The following FREM1 variants were observed in gnomAD, a reference collection of about 807,000 sequenced individuals.
FREM1 encodes FRAS1 related extracellular matrix 1.
In FREM1, 220 loss-of-function variants were observed where a neutral mutation model predicts 210.1. That is an observed-to-expected ratio of 1.05 (90% CI 0.94 to 1.17). The LOEUF (loss-of-function observed/expected upper bound fraction) is 1.17. Ranked by LOEUF, FREM1 falls within the 50% of genes most tolerant of loss-of-function variation. The pLI is 0.00. For synonymous variants in FREM1, 1,189 were observed against 980.2 expected, an observed-to-expected ratio of 1.21 and a Z score of -3.98; for missense variants, 3,454 against 2,675.5, an observed-to-expected ratio of 1.29 and a Z score of -6.42.
At chr9:14,879,799 T>C (rs1834460190) in intron 1 of FREM1, among the ~76,000 whole-genome samples, 1 of 152,092 alleles carries the variant, frequency 6.6e-6, no homozygotes. Context: ...GATGGAGACA[T>C]GTGTTGTATT....
intron 24 of FREM1, among the ~76,000 whole-genome samples, chr9:14,777,075 C>A (rs1023145383): frequency 2.0e-5 from 3 of 152,208 alleles, no homozygotes; most frequent in Non-Finnish European, 4.4e-5. Flanking sequence ...GAGTTTAAAA[C>A]AAATTCTGGT....
At position 14,842,375 on chromosome 9, in the gene FREM1, T is replaced by C. The variant is rs1286956959; in HGVS notation, c.1679A>G (p.Asn560Ser). ...CCCAGCCTGTGGAGGCTTTGTGATA[T>C]TGAAGAAGATGTAGTCATCACTGGC... Reference protein sequence around the residue: ...VDASDDYIFFNITKPPQAGEI... With the variant: ...VDASDDYIFFSITKPPQAGEI... Residue 560 changes from asparagine (N) to serine (S), a missense_variant, in exon 9 of 37, where the codon AAT becomes AGT. Coordinates refer to ENST00000380880, the MANE Select transcript of FREM1 (RefSeq NM_001379081.2). 1.2e-6 allele frequency: 2 copies of C among 1,610,856 alleles called. No individual in the cohort carries two copies. Among genetic ancestry groups the C allele is most frequent in the Non-Finnish European group, 1.7e-6 (2 of 1,177,474 alleles).
Position 14,775,918 on chromosome 9 carries a change from A to G in FREM1, c.4728T>C (p.Asn1576=). Residue 1576 remains asparagine, a synonymous_variant, in exon 25 of 37, where the codon AAT becomes AAC. Transcript: ENST00000380880. ...CCCCTCCTGAGTGCCGATAGGCCAC[A>G]TTCTTGCTGTCCACATCCTGCTGGG... is the stretch of plus-strand genomic sequence containing the variant. ...NFTQQDVDSK[N]VAYRHSGGDS... 6.2e-7 allele frequency: 1 copy of G among 1,614,012 alleles called. No homozygotes were observed. The highest frequency in any genetic ancestry group is 8.5e-7 in the Non-Finnish European group (1 of 1,179,886).
intron 21 of FREM1, among the ~76,000 whole-genome samples, chr9:14,795,145 G>T (rs1023012517): frequency 6.6e-6 from 1 of 152,072 alleles, no homozygotes; most frequent in Admixed American, 6.6e-5. Context: ...TTACAATTAG[G>T]ATATCTGCTT....
chr9:14,825,341 A>G (rs1285328426), intron 10 of FREM1, among the ~76,000 whole-genome samples: 1 of 151,334 alleles, frequency 6.6e-6, no homozygotes, highest in Admixed American at 6.6e-5. Context: ...TTCAAAAATT[A>G]GTTGGGTGTG....
chr9:14,806,499 C>A (rs538088158), intron 18 of FREM1, among the ~76,000 whole-genome samples, 162 bp downstream of exon 18: 3 of 152,222 alleles, frequency 2.0e-5, no homozygotes, highest in African/African-American at 7.2e-5. Flanking sequence ...GGTGACCTGC[C>A]CATCTCGGCC....
At chr9:14,756,586 A>C in intron 28 of FREM1, 140 bp from the exon 29 acceptor site, 1 of 577,904 alleles carries the variant, frequency 1.7e-6, no homozygotes, top group Non-Finnish European at 2.9e-6. Flanking sequence ...AAAAAATTAT[A>C]TAAGCCATTT....
chr9:14,851,421 C>T lies in FREM1; in HGVS notation c.1015G>A (p.Ala339Thr). Residue 339 changes from alanine (A) to threonine (T), a missense_variant, in exon 6 of 37, where the codon GCC becomes ACC. Transcript: ENST00000380880. The stretch of plus-strand genomic sequence containing the variant: ...TGAGTCACATAGCCCTGGAGCGGGG[C>T]TTTAGTAATGTTGAACACCAGCAAG... ...KPLLVFNITKAPLQGYVTHLL... is the reference protein window; with the variant it reads ...KPLLVFNITKTPLQGYVTHLL... 1 of 1,613,944 alleles carries T rather than the reference C, an allele frequency of 6.2e-7. No individual in the cohort carries two copies. Among genetic ancestry groups the T allele is most frequent in the Non-Finnish European group, 8.5e-7 (1 of 1,179,888 alleles).
chr9:14,746,551 C>G (rs1842472617), intron 34 of FREM1, 83 bp from the exon 35 acceptor site: 1 of 1,043,566 alleles, frequency 9.6e-7, no homozygotes, highest in South Asian at 1.3e-5. Context: ...TACGAGTTCC[C>G]TAACTTCAGT....
intron 10 of FREM1, among the ~76,000 whole-genome samples, chr9:14,830,272 T>G (rs1234870716): frequency 6.6e-6 from 1 of 152,014 alleles, no homozygotes; most frequent in Non-Finnish European, 1.5e-5. Flanking sequence ...CAAGGCCAGG[T>G]TTTGTCATTT....
chr9:14,849,708 C>T (rs1481619465), intron 6 of FREM1, among the ~76,000 whole-genome samples: 1 of 152,226 alleles, frequency 6.6e-6, no homozygotes, highest in Middle Eastern at 3.2e-3. Context: ...TGGGCCCTGG[C>T]CCAGGGCTTC....
chr9:14,907,191 A>G (rs1168938701), intron 1 of FREM1, among the ~76,000 whole-genome samples: 2 of 137,930 alleles, frequency 1.5e-5, no homozygotes, highest in Non-Finnish European at 3.1e-5. Flanking sequence ...TATTATCTTC[A>G]GACAGCTAGA....
chr9:14,778,064 G>C (rs1587906966), intron 24 of FREM1, among the ~76,000 whole-genome samples: 1 of 152,038 alleles, frequency 6.6e-6, no homozygotes, highest in East Asian at 1.9e-4. Context: ...AGTAAATTTT[G>C]ACATTTCACA....
At chr9:14,754,969 G>C (rs748398763) in intron 29 of FREM1, among the ~76,000 whole-genome samples, 1 of 152,116 alleles carries the variant, frequency 6.6e-6, no homozygotes, top group Non-Finnish European at 1.5e-5. Context: ...TTATAACACA[G>C]ACATGCACAC....
At chr9:14,881,815 G>T (rs1003483764) in intron 1 of FREM1, among the ~76,000 whole-genome samples, 21 of 152,302 alleles carry the variant, frequency 1.4e-4, no homozygotes, top group South Asian at 2.1e-4. Context: ...CTGGCCAATG[G>T]AATTGAAGAA....
chr9:14,844,239 T>G (rs1826197620), intron 8 of FREM1, among the ~76,000 whole-genome samples: 1 of 151,522 alleles, frequency 6.6e-6, no homozygotes, highest in Non-Finnish European at 1.5e-5. Flanking sequence ...TTTTTTTTTT[T>G]TCTTTAGACG....
At chr9:14,834,971 G>T (rs1004188408) in intron 10 of FREM1, among the ~76,000 whole-genome samples, 15 of 152,114 alleles carry the variant, frequency 9.9e-5, no homozygotes, top group African/African-American at 3.4e-4. Flanking sequence ...CTCAAAAGAT[G>T]GTTTATAATC....
chr9:14,907,099 T>C (rs1817852251), intron 1 of FREM1, among the ~76,000 whole-genome samples: 1 of 152,184 alleles, frequency 6.6e-6, no homozygotes, highest in South Asian at 2.1e-4. Context: ...AACTTACCCA[T>C]GAGAGGCAAA....
chr9:14,904,245 T>C (rs55986966), intron 1 of FREM1, among the ~76,000 whole-genome samples: 1 of 152,160 alleles, frequency 6.6e-6, no homozygotes, highest in Admixed American at 6.5e-5. Flanking sequence ...ATTAGAAATA[T>C]TTAGAGTTGT....
Sources: gnomAD v4.1 joint callset for allele counts (sites outside exome capture counted in the v4.1 genomes callset) on GRCh38, gnomAD v4.1.1 for gene constraint, MANE v1.5 for transcripts, NCBI Gene and HGNC (gene_info 2026-07-23, HGNC 2026-07-21) for gene names.